The following CABIN1 variants were observed in gnomAD, a reference collection of about 807,000 sequenced individuals.
CABIN1 encodes calcineurin-binding protein cabin-1.
Under a neutral mutation model 227.7 loss-of-function variants are expected in CABIN1, and 133 were observed. The ratio of observed to expected loss-of-function variants is 0.58; its 90% CI spans 0.51 to 0.67. The LOEUF (loss-of-function observed/expected upper bound fraction) is 0.67. Among genes scored for constraint, CABIN1 ranks in the 30% least tolerant of loss-of-function variants. The pLI, the probability that CABIN1 is intolerant of heterozygous loss-of-function variation, is 0.00. For synonymous variants in CABIN1, 1,086 were observed against 1,155.1 expected (o/e 0.94, Z 1.21); for missense variants, 2,408 against 2,852.5 (o/e 0.84, Z 3.55).
At chr22:24,152,620 G>A in intron 29 of CABIN1, among the ~76,000 whole-genome samples, 1 of 152,202 alleles carries the variant, frequency 6.6e-6, no homozygotes, top group Non-Finnish European at 1.5e-5. Context: ...TGAGAACGGG[G>A]ACTGTTAACA....
intron 26 of CABIN1, among the ~76,000 whole-genome samples, chr22:24,100,243 T>C (rs2147444114): frequency 6.6e-6 from 1 of 152,326 alleles, no homozygotes; most frequent in East Asian, 1.9e-4. Context: ...ACTGGCCACC[T>C]GTGTGCTCTG....
intron 4 of CABIN1, among the ~76,000 whole-genome samples, chr22:24,039,774 A>C (rs1217700290): frequency 6.6e-6 from 1 of 152,282 alleles, no homozygotes; most frequent in African/African-American, 2.4e-5. Flanking sequence ...TAAAAGGGAC[A>C]ACATGCTCAT....
chr22:24,176,746 C>T (rs1253774263), intron 35 of CABIN1, among the ~76,000 whole-genome samples: 1 of 152,204 alleles, frequency 6.6e-6, no homozygotes, highest in Non-Finnish European at 1.5e-5. Context: ...CAGATTCTAG[C>T]CCTGGCCTCA....
chr22:24,025,804 T>C (rs971135721), intron 1 of CABIN1, among the ~76,000 whole-genome samples: 1 of 152,094 alleles, frequency 6.6e-6, no homozygotes, highest in Admixed American at 6.6e-5. Context: ...CTCCCAAGTA[T>C]CTGGGACTAC....
intron 28 of CABIN1, among the ~76,000 whole-genome samples, chr22:24,122,861 T>C (rs2147979745): frequency 6.6e-6 from 1 of 152,298 alleles, no homozygotes; most frequent in Admixed American, 6.5e-5. Flanking sequence ...GCCCTGTTGA[T>C]TGTGTGCTTT....
intron 17 of CABIN1, 78 bp from the exon 18 acceptor site, chr22:24,072,276 C>T: frequency 6.5e-7 from 1 of 1,528,464 alleles, no homozygotes; most frequent in South Asian, 1.1e-5. Flanking sequence ...CCCCAAGAGG[C>T]CTCCTGCCTC....
In CABIN1 at chr22:24,081,843, A is replaced by G. The variant is rs2040827466; in HGVS notation, c.2749-1385A>G. On this transcript the variant is annotated intron_variant, in intron 19 of 36. Coordinates refer to ENST00000263119, the MANE Select transcript of CABIN1 (RefSeq NM_012295.4). ...GGAGTTCGAGACCAGCCTGACCAAC[A>G]AGGTGAAACCCCGTCTCTACTAAAA... 2.6e-5 allele frequency among the ~76,000 whole-genome samples: 4 copies of G among 152,030 alleles called. 1 individual carries two copies. In the South Asian group the frequency reaches 8.3e-4, roughly 31 times the overall value.
intron 4 of CABIN1, among the ~76,000 whole-genome samples, chr22:24,040,181 A>G (rs1242896288): frequency 2.6e-5 from 4 of 152,240 alleles, no homozygotes; most frequent in Non-Finnish European, 5.9e-5. Context: ...GCTGGGATCC[A>G]GCCCTGGTCA....
intron 19 of CABIN1, 122 bp downstream of exon 19, chr22:24,076,406 C>T (rs1483178361): frequency 4.0e-6 from 3 of 755,824 alleles, no homozygotes; most frequent in African/African-American, 3.4e-5. Flanking sequence ...CCTCAGTGGG[C>T]CCACTGTGTG....
intron 28 of CABIN1, among the ~76,000 whole-genome samples, chr22:24,129,228 C>T (rs1414087540): frequency 6.6e-6 from 1 of 152,222 alleles, no homozygotes; most frequent in Non-Finnish European, 1.5e-5. Context: ...GGGATGCAAG[C>T]CACCTCACCC....
In CABIN1 at chr22:24,134,396, A is replaced by G. The variant is rs1382126180; in HGVS notation, c.4727A>G (p.Asn1576Ser). 2.5e-6 allele frequency: 4 copies of G among 1,613,750 alleles called. No homozygotes were observed. In the African/African-American group the frequency reaches 4.0e-5, roughly 16 times the overall value. Residue 1576 changes from asparagine (N) to serine (S), a missense_variant, in exon 29 of 37, where the codon AAC (asparagine) becomes AGC (serine). Asn to Ser is a conservative substitution (Grantham distance 46, BLOSUM62 1). Around this residue, in one of 3 missense-constraint regions of CABIN1, gnomAD observed 649 missense variants for 910.3 expected, o/e 0.71. Coordinates refer to ENST00000263119, the MANE Select transcript of CABIN1 (RefSeq NM_012295.4). ...MPAQGLFCER[N>S]KTNFFNGIWR... ...GCACAGGGGCTCTTCTGCGAGAGGA[A>G]CAAGACCAATTTCTTCAACGTGAGT...
chr22:24,025,564 G>A (rs887435268), intron 1 of CABIN1, among the ~76,000 whole-genome samples: 4 of 152,180 alleles, frequency 2.6e-5, no homozygotes, highest in Non-Finnish European at 4.4e-5. Context: ...CGAGGAATGG[G>A]GGATGGTAGC....
chr22:24,110,370 T>A (rs1031075665), intron 26 of CABIN1, among the ~76,000 whole-genome samples: 2 of 152,220 alleles, frequency 1.3e-5, no homozygotes, highest in African/African-American at 4.8e-5. Flanking sequence ...TCATTTCACT[T>A]TTACATATGC....
chr22:24,131,752 G>A (rs2044085322), intron 28 of CABIN1, among the ~76,000 whole-genome samples: 1 of 152,174 alleles, frequency 6.6e-6, no homozygotes, highest in African/African-American at 2.4e-5. Context: ...GGTCAGATGT[G>A]CTCAACTGTG....
At chr22:24,089,631 A>C (rs1034318835) in intron 23 of CABIN1, among the ~76,000 whole-genome samples, 1 of 152,200 alleles carries the variant, frequency 6.6e-6, no homozygotes, top group African/African-American at 2.4e-5. Context: ...GACAGCTTCC[A>C]ACCCTGAAAT....
In CABIN1 at chr22:24,111,031, C is replaced by T. The variant is rs563052771; in HGVS notation, c.4118-2535C>T. Among the ~76,000 whole-genome samples the T allele has an allele frequency of 2.8e-4, 43 of 152,226 alleles. No individual in the cohort carries two copies. The South Asian group carries it at 5.8e-3, about 21-fold the overall frequency. ...TCACCCTCATCTCCTTTTGTGACTC[C>T]GATTAGCATGTTGGATCATTTGGAT... On this transcript the variant is annotated intron_variant, in intron 26 of 36. Transcript: ENST00000263119.
At chr22:24,139,644 C>T (rs1405362569) in intron 29 of CABIN1, among the ~76,000 whole-genome samples, 1 of 152,146 alleles carries the variant, frequency 6.6e-6, no homozygotes, top group East Asian at 1.9e-4. Context: ...GAGAAGTTTC[C>T]ATGTGAGAAG....
chr22:24,163,616 C>T (rs1000573178), intron 29 of CABIN1, among the ~76,000 whole-genome samples: 1 of 152,190 alleles, frequency 6.6e-6, no homozygotes, highest in African/African-American at 2.4e-5. Flanking sequence ...AGGTCCCACC[C>T]CAGAGATGGG....
intron 26 of CABIN1, among the ~76,000 whole-genome samples, chr22:24,101,065 G>C (rs2042174109): frequency 6.6e-6 from 1 of 152,206 alleles, no homozygotes; most frequent in Non-Finnish European, 1.5e-5. Flanking sequence ...TGAAGCAGCA[G>C]CTCCTGAGTG....
Sources: allele counts gnomAD v4.1 joint callset (sites outside exome capture counted in the v4.1 genomes callset), GRCh38; gene constraint gnomAD v4.1.1; regional missense constraint gnomAD v4.1.1; transcripts MANE v1.5; gene names NCBI Gene and HGNC (gene_info 2026-07-23, HGNC 2026-07-21).